Variants in SYTL1 observed in about 807,000 individuals in gnomAD.
SYTL1 encodes the protein synaptotagmin like 1.
In SYTL1, 53 loss-of-function variants were observed where a neutral mutation model predicts 74.6. The observed-to-expected ratio is 0.71, with a 90% CI of 0.57 to 0.89. The LOEUF is 0.89. Among genes scored for constraint, SYTL1 ranks in the 40% least tolerant of loss-of-function variants. The probability of loss-of-function intolerance (pLI) is 0.00; values close to 1 mark genes in which losing one functional copy is unlikely to be tolerated. For synonymous variants in SYTL1, 329 were observed against 324.9 expected (o/e 1.01, Z -0.14); for missense variants, 728 against 768.7 (o/e 0.95, Z 0.63).
Position 27,343,072 on chromosome 1 carries a change from C to T in SYTL1, c.-39+922C>T, listed in dbSNP as rs540347968. The stretch of plus-strand genomic sequence containing the variant: ...GGAGGGGACAGAGCATAGCAGGCGG[C>T]GGACACAAGCCAGGACCTGCCCGCC... On this transcript the variant is annotated intron_variant, in intron 1 of 14. Transcript: ENST00000616558. This position sits in a 1 kb window ranked among gnomAD's most constrained non-coding sequence, Gnocchi z 5.2. 2.0e-5 allele frequency among the ~76,000 whole-genome samples: 3 copies of T among 152,314 alleles called. No homozygotes were observed. Among genetic ancestry groups the T allele is most frequent in the Admixed American group, 6.5e-5 (1 of 15,310 alleles).
At chr1:27,353,077 C>T (rs1490242799) in intron 13 of SYTL1, 10 of 603,884 alleles carry the variant, frequency 1.7e-5, no homozygotes, top group Admixed American at 2.8e-5. Flanking sequence ...TGAGCAACCT[C>T]GCCCGGCCAG....
At chr1:27,349,534 C>G in intron 7 of SYTL1, 36 bp downstream of exon 7, 1 of 1,384,910 alleles carries the variant, frequency 7.2e-7, no homozygotes, top group Non-Finnish European at 9.5e-7. Flanking sequence ...TCTCAACATC[C>G]GGAGCGGACT....
In SYTL1 at chr1:27,345,780, CT is replaced by C. The variant is rs541342834; in HGVS notation, c.191+269del. Among the ~76,000 whole-genome samples, 5,066 of 144,840 alleles carry C rather than the reference CT, an allele frequency of 0.035. 98 individuals carry two copies. The highest frequency in any genetic ancestry group is 0.048 in the Middle Eastern group (13 of 272). On this transcript the variant is annotated intron_variant, in intron 2 of 14. Transcript: ENST00000616558. The surrounding 1 kb of genome is among the most constrained non-coding windows in gnomAD (Gnocchi z 6.0). ...AGCTGGTGCTCCCCAGATCTGTCTG[CT>C]TTTTTTTTTTTTTCTTGAGACAGAG...
rs1190326767 is a variant in SYTL1, at chr1:27,348,983, A to G, written c.460-97A>G. ...GCTGCCCTAAACCTGAAACTGGGGT[A>G]GCTGGCTGGAGCCCTATGACCTCTG... On this transcript the variant is annotated intron_variant, in intron 5 of 14. Transcript: ENST00000616558. This position sits in a 1 kb window ranked among gnomAD's most constrained non-coding sequence, Gnocchi z 4.1. 1.1e-6 allele frequency: 1 copy of G among 936,524 alleles called. No individual in the cohort carries two copies. Among genetic ancestry groups the G allele is most frequent in the Non-Finnish European group, 1.6e-6 (1 of 611,450 alleles). The allele number at this position is 936,524 out of a possible 1,614,324, so 58.0% of individuals were successfully genotyped here.
At chr1:27,353,075 C>A in intron 13 of SYTL1, 1 of 600,738 alleles carries the variant, frequency 1.7e-6, no homozygotes, top group East Asian at 2.9e-5. Context: ...CGTGAGCAAC[C>A]TCGCCCGGCC....
At position 27,351,855 on chromosome 1, in the gene SYTL1, A is replaced by G. The variant is rs1571047901; in HGVS notation, c.1343+300A>G. The G allele has an allele frequency of 3.0e-6, 1 of 333,420 alleles. No individual in the cohort carries two copies. The highest frequency in any genetic ancestry group is 6.5e-5 in the South Asian group (1 of 15,294). The allele number at this position is 333,420 out of a possible 1,614,324, so 20.7% of individuals were successfully genotyped here. On this transcript the variant is annotated intron_variant, in intron 13 of 14. Coordinates refer to ENST00000616558, the MANE Select transcript of SYTL1 (RefSeq NM_001193308.2). The surrounding 1 kb of genome is among the most constrained non-coding windows in gnomAD (Gnocchi z 5.0). ...GGCTGTGGGGCTTGGCTGGGAACTTATAGTTCAGTGTAAGCTTCTAGGGGA... is the reference window on the plus strand; with the variant it reads ...GGCTGTGGGGCTTGGCTGGGAACTTGTAGTTCAGTGTAAGCTTCTAGGGGA...
rs1460942403 is a variant in SYTL1 at position 27,351,398 on chromosome 1, C to T, written c.1244-58C>T. Reference sequence around the variant, plus strand: ...CTGAAAAGCGGGAGACTCCAGTCCCCGGGTTTGGGGGCGGTGGACTCCATC... The same window carrying T: ...CTGAAAAGCGGGAGACTCCAGTCCCTGGGTTTGGGGGCGGTGGACTCCATC... On this transcript the variant is annotated intron_variant, in intron 12 of 14. Coordinates refer to ENST00000616558, the MANE Select transcript of SYTL1 (RefSeq NM_001193308.2). The surrounding 1 kb of genome is among the most constrained non-coding windows in gnomAD (Gnocchi z 5.0). The T allele has an allele frequency of 1.3e-6, 2 of 1,506,024 alleles. No individual in the cohort carries two copies. The highest frequency in any genetic ancestry group is 2.1e-5 in the Admixed American group (1 of 46,744). The allele number at this position is 1,506,024 out of a possible 1,614,324, so 93.3% of individuals were successfully genotyped here.
At position 27,348,043 on chromosome 1, in the gene SYTL1, T is replaced by G; in HGVS notation, c.459+31T>G. On this transcript the variant is annotated intron_variant, in intron 5 of 14. Coordinates refer to ENST00000616558, the MANE Select transcript of SYTL1 (RefSeq NM_001193308.2). The surrounding 1 kb of genome is among the most constrained non-coding windows in gnomAD (Gnocchi z 4.1). ...TGAATGAGCCAACATGTGAGTACAG[T>G]GTCCCTGGAGGGGAGGTGGAATGTG... The G allele has an allele frequency of 1.9e-6, 3 of 1,610,264 alleles. No individual in the cohort carries two copies. Among genetic ancestry groups the G allele is most frequent in the Non-Finnish European group, 2.5e-6 (3 of 1,176,736 alleles).
rs575780316 is a variant in SYTL1 at position 27,353,286 on chromosome 1, C to T, written c.1347C>T (p.Phe449=). 8.8e-6 allele frequency: 14 copies of T among 1,588,840 alleles called. No individual in the cohort carries two copies. The highest frequency in any genetic ancestry group is 6.9e-5 in the South Asian group (6 of 87,176). ...AGSLDTYVQC[F]VLPDDSQASR... ...TGCCAGGCCACCTCCCGCACAGCTT[C>T]GTGCTGCCTGATGACAGCCAGGCCA... Residue 449 remains phenylalanine (F), a synonymous_variant, in exon 14 of 15, where the codon TTC becomes TTT. Transcript: ENST00000616558.
chr1:27,343,685 TTTAA>T lies in SYTL1; in HGVS notation c.-39+1541_-39+1544del, dbSNP rs1005993410. On this transcript the variant is annotated intron_variant, in intron 1 of 14. Transcript: ENST00000616558. This position sits in a 1 kb window ranked among gnomAD's most constrained non-coding sequence, Gnocchi z 5.2. ...ATGTGTGTGCAGGCATATTTCTGCA[TTTAA>T]TTAATCAAACTTTTACCAACCATCT... Among the ~76,000 whole-genome samples, 3 of 152,138 alleles carry T rather than the reference TTTAA, an allele frequency of 2.0e-5. No homozygotes were observed. The highest frequency in any genetic ancestry group is 2.9e-5 in the Non-Finnish European group (2 of 68,028).
At position 27,350,272 on chromosome 1, in the gene SYTL1, T is replaced by A. The variant is rs2015204998; in HGVS notation, c.909-117T>A. ...GCGTGCGATTAAGCGAGACAATCCC[T>A]GTAAAGCGCTTAGCACGAGGCCTGG... On this transcript the variant is annotated intron_variant, in intron 9 of 14. Coordinates refer to ENST00000616558, the MANE Select transcript of SYTL1 (RefSeq NM_001193308.2). This position sits in a 1 kb window ranked among gnomAD's most constrained non-coding sequence, Gnocchi z 6.3. 1.3e-6 allele frequency: 2 copies of A among 1,485,902 alleles called. No homozygotes were observed. The highest frequency in any genetic ancestry group is 1.9e-6 in the Non-Finnish European group (2 of 1,065,222). 92.0% of individuals were successfully genotyped at this position (1,485,902 alleles called of 1,614,324 possible). A position where few individuals can be genotyped will look rare whatever the true frequency, so the allele number is the denominator to read the frequency against.
Position 27,343,400 on chromosome 1 carries a change from C to T in SYTL1, c.-39+1250C>T, listed in dbSNP as rs1308486325. 2 of 152,358 alleles carry T rather than the reference C, an allele frequency of 1.3e-5. No individual in the cohort carries two copies. Among genetic ancestry groups the T allele is most frequent in the Non-Finnish European group, 2.9e-5 (2 of 68,182 alleles). 9.4% of individuals were successfully genotyped at this position (152,358 alleles called of 1,614,324 possible). On this transcript the variant is annotated intron_variant, in intron 1 of 14. Coordinates refer to ENST00000616558, the MANE Select transcript of SYTL1 (RefSeq NM_001193308.2). This position sits in a 1 kb window ranked among gnomAD's most constrained non-coding sequence, Gnocchi z 5.2. Reference sequence around the variant, plus strand: ...CCAGGCAACAGGGCAGGGCTGGCGGCGGGGGCATCCCTGGGTTGGAGGCCT... The same window carrying T: ...CCAGGCAACAGGGCAGGGCTGGCGGTGGGGGCATCCCTGGGTTGGAGGCCT...
At chr1:27,349,265 C>T (rs2015133633) in intron 6 of SYTL1, 113 bp downstream of exon 6, 1 of 1,474,000 alleles carries the variant, frequency 6.8e-7, no homozygotes, top group East Asian at 2.4e-5. Context: ...CACCCCGCGT[C>T]GGAGGTGGGG....
chr1:27,353,207 T>C, intron 13 of SYTL1, 76 bp from the exon 14 acceptor site: 3 of 1,420,296 alleles, frequency 2.1e-6, no homozygotes, highest in Non-Finnish European at 2.9e-6. Context: ...TGAGAGAGAA[T>C]GAGTGGGACG....
rs2015188955 is a variant in SYTL1 at position 27,350,050 on chromosome 1, T to C, written c.826T>C (p.Tyr276His). 4 of 1,519,846 alleles carry C rather than the reference T, an allele frequency of 2.6e-6. No individual in the cohort carries two copies. The highest frequency in any genetic ancestry group is 2.7e-5 in the East Asian group (1 of 37,540). 94.1% of individuals were successfully genotyped at this position (1,519,846 alleles called of 1,614,324 possible). A position where few individuals can be genotyped will look rare whatever the true frequency, so the allele number is the denominator to read the frequency against. Residue 276 changes from tyrosine to histidine, a missense_variant, in exon 9 of 15, where the codon TAC becomes CAC. Transcript: ENST00000616558. The surrounding 1 kb of genome is among the most constrained non-coding windows in gnomAD (Gnocchi z 6.3). ...VRGSVHFALHYEPGAAELRVH... is the reference protein window; with the variant it reads ...VRGSVHFALHHEPGAAELRVH... ...CGGCTCCGTGCACTTCGCGCTGCAC[T>C]ACGAGCCGGGCGCCGCCGAGCTGCG... is the stretch of plus-strand genomic sequence containing the variant.
At chr1:27,353,568 C>G (rs1283188470) in intron 14 of SYTL1, 80 bp downstream of exon 14, 1 of 1,537,202 alleles carries the variant, frequency 6.5e-7, no homozygotes, top group South Asian at 1.2e-5. Context: ...CTGGATACCT[C>G]TCTGTCCTTT....
Position 27,345,117 on chromosome 1 carries a change from T to A in SYTL1, c.-38-180T>A. On this transcript the variant is annotated intron_variant, in intron 1 of 14. Transcript: ENST00000616558. The surrounding 1 kb of genome is among the most constrained non-coding windows in gnomAD (Gnocchi z 6.0). ...GCTTCTTCCACTGTGTCTCCAAGTG[T>A]GTTCAAGGGCTAGTGTATGCATGTG... The A allele has an allele frequency of 2.4e-6, 1 of 410,812 alleles. No homozygotes were observed. The highest frequency in any genetic ancestry group is 4.3e-6 in the Non-Finnish European group (1 of 230,530). The allele number at this position is 410,812 out of a possible 1,614,324, so 25.4% of individuals were successfully genotyped here.
At position 27,348,156 on chromosome 1, in the gene SYTL1, G is replaced by C. The variant is rs996686594; in HGVS notation, c.459+144G>C. On this transcript the variant is annotated intron_variant, in intron 5 of 14. Transcript: ENST00000616558. This position sits in a 1 kb window ranked among gnomAD's most constrained non-coding sequence, Gnocchi z 4.1. ...TGTGTCTGCACCTCATCACCTCCTG[G>C]GTGGAACAGTGGTGAACGGTGGGGA... is the stretch of plus-strand genomic sequence containing the variant. The C allele has an allele frequency of 2.5e-5, 20 of 793,336 alleles. No individual in the cohort carries two copies. The highest frequency in any genetic ancestry group is 3.3e-4 in the Middle Eastern group (1 of 3,048). 49.1% of individuals were successfully genotyped at this position (793,336 alleles called of 1,614,324 possible).
In SYTL1 at chr1:27,353,865, T is replaced by C. The variant is rs10335; in HGVS notation, c.*13T>C. On this transcript the variant is annotated 3_prime_UTR_variant, in exon 15 of 15. Coordinates refer to ENST00000616558, the MANE Select transcript of SYTL1 (RefSeq NM_001193308.2). ...CCCCAGGACGTAGCCCCACCAAGCC[T>C]CTCTCTCTGGACCCCCATCTCAGGG... The C allele has an allele frequency of 6.2e-7, 1 of 1,605,310 alleles. No homozygotes were observed. Among genetic ancestry groups the C allele is most frequent in the Non-Finnish European group, 8.5e-7 (1 of 1,173,496 alleles).
Sources: allele counts gnomAD v4.1 joint callset (sites outside exome capture counted in the v4.1 genomes callset), GRCh38; gene constraint gnomAD v4.1.1; non-coding constraint Gnocchi (gnomAD v3.1); transcripts MANE v1.5; gene names NCBI Gene and HGNC (gene_info 2026-07-23, HGNC 2026-07-21).